The following DNAH11 variants were observed in gnomAD, a reference collection of about 807,000 sequenced individuals.
DNAH11 encodes axonemal beta dynein heavy chain 11.
Under a neutral mutation model 526.0 loss-of-function variants are expected in DNAH11, and 442 were observed. That is an observed-to-expected ratio of 0.84 (90% CI 0.78 to 0.91). The LOEUF (loss-of-function observed/expected upper bound fraction) is 0.91, where lower values mean the gene tolerates loss of function less well. DNAH11 is among the 40% of genes least tolerant of loss of function. The probability of loss-of-function intolerance (pLI) is 0.00; values close to 1 mark genes in which losing one functional copy is unlikely to be tolerated. For synonymous variants in DNAH11, 2,461 were observed against 1,935.9 expected (o/e 1.27, Z -7.12); for missense variants, 6,989 against 5,448.7 (o/e 1.28, Z -8.90).
chr7:21,898,677 C>T (rs1305564402), intron 79 of DNAH11, among the ~76,000 whole-genome samples: 1 of 152,200 alleles, frequency 6.6e-6, no homozygotes, highest in Non-Finnish European at 1.5e-5. Flanking sequence ...GAGCCAGCTT[C>T]CTTATAGGTC....
chr7:21,600,582 C>G (rs1167928013), intron 15 of DNAH11, 94 bp from the exon 16 acceptor site: 4 of 1,305,954 alleles, frequency 3.1e-6, no homozygotes, highest in Middle Eastern at 4.8e-4. Flanking sequence ...AACTACTCTC[C>G]CTTTGAAGAA....
intron 25 of DNAH11, among the ~76,000 whole-genome samples, chr7:21,634,874 C>A (rs960163261): frequency 1.1e-4 from 16 of 152,066 alleles, no homozygotes; most frequent in Admixed American, 3.9e-4. Flanking sequence ...TTAAGTTGGG[C>A]AGATATGTAA....
At chr7:21,763,547 T>G (rs1182787411) in intron 54 of DNAH11, among the ~76,000 whole-genome samples, 1 of 151,448 alleles carries the variant, frequency 6.6e-6, no homozygotes, top group Non-Finnish European at 1.5e-5. Context: ...CCTTGTACAC[T>G]ATTGGTGGGA....
Position 21,624,834 on chromosome 7 carries a change from T to C in DNAH11, c.4500+4756T>C, listed in dbSNP as rs1281320642. ...ATCATTTTGTCCTTTCTGTTAAATA[T>C]GGTATATCACATTTATTGATTTGCA... On this transcript the variant is annotated intron_variant, in intron 25 of 81. Coordinates refer to ENST00000409508, the MANE Select transcript of DNAH11 (RefSeq NM_001277115.2). Among the ~76,000 whole-genome samples, 6 of 152,312 alleles carry C rather than the reference T, an allele frequency of 3.9e-5. 1 individual carries two copies. In the South Asian group the frequency reaches 6.2e-4, roughly 16 times the overall value.
At chr7:21,656,159 C>T (rs896947065) in intron 29 of DNAH11, among the ~76,000 whole-genome samples, 178 bp downstream of exon 29, 1 of 152,090 alleles carries the variant, frequency 6.6e-6, no homozygotes, top group African/African-American at 2.4e-5. Flanking sequence ...TGCCATGCGT[C>T]CCAGTTTCTA....
chr7:21,850,364 A>AG (rs1402407079), intron 66 of DNAH11, among the ~76,000 whole-genome samples: 5 of 150,904 alleles, frequency 3.3e-5, no homozygotes, highest in African/African-American at 4.8e-5. Flanking sequence ...CAAAAAAAAA[A>AG]AAAAAGAAAA....
At chr7:21,899,259 C>G (rs753560780) in intron 79 of DNAH11, 77 bp from the exon 80 acceptor site, 33 of 1,184,642 alleles carry the variant, frequency 2.8e-5, no homozygotes, top group Non-Finnish European at 3.9e-5. Flanking sequence ...CCTGCCCTAA[C>G]CGCCCACAAC....
At chr7:21,706,236 T>C (rs1359779887) in intron 39 of DNAH11, among the ~76,000 whole-genome samples, 1 of 152,206 alleles carries the variant, frequency 6.6e-6, no homozygotes, top group Non-Finnish European at 1.5e-5. Context: ...TGCTTGATTT[T>C]GTTTGGTCTT....
intron 45 of DNAH11, among the ~76,000 whole-genome samples, chr7:21,730,956 C>T (rs573830949): frequency 6.6e-6 from 1 of 152,126 alleles, no homozygotes; most frequent in Admixed American, 6.6e-5. Flanking sequence ...CCAACCTGGC[C>T]AACATGGCGA....
intron 63 of DNAH11, among the ~76,000 whole-genome samples, chr7:21,813,075 AAC>A (rs1411082942): frequency 2.6e-5 from 4 of 152,208 alleles, no homozygotes; most frequent in Non-Finnish European, 4.4e-5. Flanking sequence ...AGCAAACAGT[AAC>A]ACAGAGGGTA....
intron 8 of DNAH11, among the ~76,000 whole-genome samples, chr7:21,572,995 C>T (rs931905601): frequency 4.6e-5 from 7 of 152,242 alleles, no homozygotes; most frequent in South Asian, 2.1e-4. Flanking sequence ...AGGTTAGCGC[C>T]GCTGAACGAG....
chr7:21,642,675 C>G (rs1007005048), intron 28 of DNAH11, among the ~76,000 whole-genome samples: 1 of 152,166 alleles, frequency 6.6e-6, no homozygotes, highest in Non-Finnish European at 1.5e-5. Flanking sequence ...ATCTTGACAT[C>G]TTGTGAATGA....
At chr7:21,563,424 G>C (rs1783543103) in intron 5 of DNAH11, among the ~76,000 whole-genome samples, 1 of 152,092 alleles carries the variant, frequency 6.6e-6, no homozygotes, top group Non-Finnish European at 1.5e-5. Flanking sequence ...TCCCAGGCTG[G>C]TTTCGAATTC....
chr7:21,771,246 T>C (rs2127977517), intron 55 of DNAH11, among the ~76,000 whole-genome samples: 1 of 152,264 alleles, frequency 6.6e-6, no homozygotes, highest in Middle Eastern at 3.4e-3. Context: ...AGCCCAAATT[T>C]AGTATTACAG....
chr7:21,876,639 C>G (rs1562598511), intron 74 of DNAH11, among the ~76,000 whole-genome samples: 1 of 152,266 alleles, frequency 6.6e-6, no homozygotes, highest in Non-Finnish European at 1.5e-5. Flanking sequence ...TGTCATCAAT[C>G]TGGCTCTTTA....
chr7:21,818,762 G>C (rs1289261569), intron 65 of DNAH11, among the ~76,000 whole-genome samples: 1 of 152,084 alleles, frequency 6.6e-6, no homozygotes. Flanking sequence ...TGGGTTTACT[G>C]TGCTAGCTCT....
At chr7:21,684,911 C>T (rs535780008) in intron 32 of DNAH11, among the ~76,000 whole-genome samples, 2 of 152,322 alleles carry the variant, frequency 1.3e-5, no homozygotes, top group South Asian at 4.1e-4. Context: ...GCAGAAATCA[C>T]ACCTCAAGGT....
intron 30 of DNAH11, among the ~76,000 whole-genome samples, chr7:21,664,947 C>T (rs953459858): frequency 6.6e-6 from 1 of 152,086 alleles, no homozygotes; most frequent in Non-Finnish European, 1.5e-5. Flanking sequence ...CAATTTAAAC[C>T]TCAGCTCCAG....
chr7:21,563,126 G>T (rs1245676907), intron 5 of DNAH11, among the ~76,000 whole-genome samples: 1 of 152,044 alleles, frequency 6.6e-6, no homozygotes, highest in Non-Finnish European at 1.5e-5. Context: ...AGAAAACTTT[G>T]GATTCAATTA....
Sources: gnomAD v4.1 joint callset for allele counts (sites outside exome capture counted in the v4.1 genomes callset) on GRCh38, gnomAD v4.1.1 for gene constraint, MANE v1.5 for transcripts, NCBI Gene and HGNC (gene_info 2026-07-23, HGNC 2026-07-21) for gene names.